Variants in SPAG7 observed in about 807,000 individuals in gnomAD.
SPAG7 encodes sperm associated antigen 7, also known as sperm-associated antigen 7.
In SPAG7, 20 loss-of-function variants were observed where a neutral mutation model predicts 30.6. The ratio of observed to expected loss-of-function variants is 0.65; its 90% CI spans 0.46 to 0.95. SPAG7 has a LOEUF of 0.95. Among genes scored for constraint, SPAG7 ranks in the 40% least tolerant of loss-of-function variants. The probability of loss-of-function intolerance (pLI) is 0.00; values close to 1 mark genes in which losing one functional copy is unlikely to be tolerated. For missense variants in SPAG7, 276 were observed against 291.1 expected, an observed-to-expected ratio of 0.95 and a Z score of 0.38; for synonymous variants, 127 against 104.2, an observed-to-expected ratio of 1.22 and a Z score of -1.33.
chr17:4,967,717 C>G lies in SPAG7; in HGVS notation c.85+3G>C, dbSNP rs1567678564. ...AAGGCGGTTGTGAATTTGGGATCCT[C>G]ACCTCGGGCCTTGCGCCGAGTCTCC... On this transcript the variant is annotated splice_donor_region_variant and intron_variant, in intron 1 of 6. Transcript: ENST00000206020. The G allele has an allele frequency of 6.2e-7, 1 of 1,612,326 alleles. No individual in the cohort carries two copies. The highest frequency in any genetic ancestry group is 8.5e-7 in the Non-Finnish European group (1 of 1,178,438).
At chr17:4,959,668 C>A (rs773313896) in intron 6 of SPAG7, 25 bp from the exon 7 acceptor site, 4 of 1,612,846 alleles carry the variant, frequency 2.5e-6, no homozygotes, top group African/African-American at 2.7e-5. Flanking sequence ...GAGGGTAGGG[C>A]GGGCCTAGAA....
intron 1 of SPAG7, among the ~76,000 whole-genome samples, chr17:4,962,802 C>A (rs1163820470): frequency 6.6e-6 from 1 of 152,030 alleles, no homozygotes; most frequent in Non-Finnish European, 1.5e-5. Context: ...CCCGCCTCAG[C>A]CTCCCAAAGT....
At chr17:4,964,328 T>C (rs1002003345) in intron 1 of SPAG7, among the ~76,000 whole-genome samples, 2 of 151,998 alleles carry the variant, frequency 1.3e-5, no homozygotes. Flanking sequence ...GAAATTTTTT[T>C]CTCTTTTGCC....
At position 4,960,251 on chromosome 17, in the gene SPAG7, C is replaced by A; in HGVS notation, c.310G>T (p.Val104Phe). The A allele has an allele frequency of 6.2e-7, 1 of 1,614,190 alleles. No homozygotes were observed. Among genetic ancestry groups the A allele is most frequent in the Non-Finnish European group, 8.5e-7 (1 of 1,180,022 alleles). Residue 104 changes from valine (V) to phenylalanine (F), a missense_variant, in exon 4 of 7, where the codon GTC becomes TTC. Coordinates refer to ENST00000206020, the MANE Select transcript of SPAG7 (RefSeq NM_004890.3). ...SFGEDDDCRY[V>F]MIFKKEFAPS... ...CCCTTTACCTTTTTGAAGATCATGACATAGCGACAGTCATCATCTTCCCCA... is the reference window on the plus strand; with the variant it reads ...CCCTTTACCTTTTTGAAGATCATGAAATAGCGACAGTCATCATCTTCCCCA...
At chr17:4,967,123 T>G (rs1450444961) in intron 1 of SPAG7, 15 of 985,594 alleles carry the variant, frequency 1.5e-5, no homozygotes, top group Non-Finnish European at 1.7e-5. Flanking sequence ...CAATCAACAC[T>G]ACGATCCGCC....
intron 2 of SPAG7, 98 bp from the exon 3 acceptor site, chr17:4,960,645 C>G (rs1971847459): frequency 7.5e-6 from 10 of 1,333,352 alleles, no homozygotes; most frequent in Non-Finnish European, 1.1e-5. Flanking sequence ...TCCCCAGCAC[C>G]CTCCCCAGCC....
Position 4,967,796 on chromosome 17 carries a change from G to A in SPAG7, c.9C>T (p.Asp3=), listed in dbSNP as rs773877623. 2 of 1,613,444 alleles carry A rather than the reference G, an allele frequency of 1.2e-6. No homozygotes were observed. The highest frequency in any genetic ancestry group is 1.1e-5 in the South Asian group (1 of 91,074). Residue 3 remains aspartate (D), a synonymous_variant, in exon 1 of 7, where the codon GAC becomes GAT. Coordinates refer to ENST00000206020, the MANE Select transcript of SPAG7 (RefSeq NM_004890.3). The part of the protein sequence containing the change: MA[D]LLGSILSSME... Reference sequence around the variant, plus strand: ...TGGAGCTCAGGATGGAGCCCAGTAGGTCCGCCATCTTGGGAGTGACTGAGA... The same window carrying A: ...TGGAGCTCAGGATGGAGCCCAGTAGATCCGCCATCTTGGGAGTGACTGAGA...
chr17:4,964,971 G>A (rs2151148914), intron 1 of SPAG7, among the ~76,000 whole-genome samples: 1 of 151,630 alleles, frequency 6.6e-6, no homozygotes, highest in African/African-American at 2.4e-5. Flanking sequence ...GTGCAATGGT[G>A]CAATCTTGGC....
intron 1 of SPAG7, among the ~76,000 whole-genome samples, chr17:4,961,591 T>TAAA (rs879358196): frequency 7.7e-6 from 1 of 129,320 alleles, no homozygotes; most frequent in African/African-American, 2.9e-5. Flanking sequence ...CTGTCTCTAC[T>TAAA]AAAAAAAAAA....
chr17:4,960,883 A>T (rs776353879), intron 1 of SPAG7, 30 bp from the exon 2 acceptor site: 13 of 1,605,292 alleles, frequency 8.1e-6, no homozygotes, highest in Non-Finnish European at 1.1e-5. Context: ...ACATGAAGCC[A>T]GGGCTGGAAG....
Position 4,959,406 on chromosome 17 carries a change from C to A in SPAG7, c.*128G>T. The stretch of plus-strand genomic sequence containing the variant: ...GACAAATCAAACACCTGTTTTCCCC[C>A]AGCCTGAGGGACAGCTGGTAGGAGG... On this transcript the variant is annotated 3_prime_UTR_variant, in exon 7 of 7. Coordinates refer to ENST00000206020, the MANE Select transcript of SPAG7 (RefSeq NM_004890.3). 1.4e-6 allele frequency: 1 copy of A among 717,086 alleles called. No individual in the cohort carries two copies. 44.4% of individuals were successfully genotyped at this position (717,086 alleles called of 1,614,324 possible).
At position 4,960,036 on chromosome 17, in the gene SPAG7, T is replaced by C. The variant is rs748085301; in HGVS notation, c.403A>G (p.Lys135Glu). The change falls in exon 5 of 7, where the codon AAG (lysine) becomes GAG (glutamate). Residue 135 changes from lysine to glutamate, a missense_variant. Transcript: ENST00000206020. ...EEWDPQKAEE[K>E]RKLKELAQRQ... ...GCATAGCTCACCTTCAGCTTCCGCTTCTCCTCAGCCTTCTGGGGGTCCCAT... is the reference window on the plus strand; with the variant it reads ...GCATAGCTCACCTTCAGCTTCCGCTCCTCCTCAGCCTTCTGGGGGTCCCAT... 8.7e-6 allele frequency: 14 copies of C among 1,614,038 alleles called. No homozygotes were observed. The highest frequency in any genetic ancestry group is 1.2e-5 in the Non-Finnish European group (14 of 1,179,964).
chr17:4,960,396 G>T (rs1170776751), intron 3 of SPAG7, 63 bp downstream of exon 3: 3 of 1,593,730 alleles, frequency 1.9e-6, no homozygotes, highest in Non-Finnish European at 2.6e-6. Flanking sequence ...GGAGCCCCCC[G>T]CTGGCCCTTT....
intron 1 of SPAG7, 134 bp downstream of exon 1, chr17:4,967,586 T>C: frequency 4.2e-6 from 3 of 715,374 alleles, no homozygotes; most frequent in South Asian, 3.3e-5. Flanking sequence ...GCAGCCCTTT[T>C]AGGGACTCTG....
chr17:4,960,437 C>T (rs370314437), intron 3 of SPAG7, 22 bp downstream of exon 3: 69 of 1,605,566 alleles, frequency 4.3e-5, no homozygotes, highest in Middle Eastern at 3.3e-4. Context: ...TTTCCTTCCT[C>T]CCCCAGCCCA....
chr17:4,963,243 T>G (rs1971893703), intron 1 of SPAG7, among the ~76,000 whole-genome samples: 2 of 151,896 alleles, frequency 1.3e-5, no homozygotes, highest in South Asian at 4.2e-4. Flanking sequence ...AAATAAAGAA[T>G]TAGGCATGAT....
At chr17:4,964,969 G>A in intron 1 of SPAG7, among the ~76,000 whole-genome samples, 1 of 151,776 alleles carries the variant, frequency 6.6e-6, no homozygotes, top group East Asian at 1.9e-4. Context: ...GAGTGCAATG[G>A]TGCAATCTTG....
At chr17:4,966,561 C>T (rs762836192) in intron 1 of SPAG7, 86 of 983,556 alleles carry the variant, frequency 8.7e-5, no homozygotes, top group Non-Finnish European at 1.0e-4. Context: ...ATAGACTCTT[C>T]TGCCTGTAAC....
chr17:4,960,961 A>G (rs1268833317), intron 1 of SPAG7, 108 bp from the exon 2 acceptor site: 5 of 940,290 alleles, frequency 5.3e-6, no homozygotes, highest in Non-Finnish European at 8.5e-6. Flanking sequence ...TCAGGCTGGG[A>G]AGGTAGGATT....
Sources: gnomAD v4.1 joint callset for allele counts (sites outside exome capture counted in the v4.1 genomes callset) on GRCh38, gnomAD v4.1.1 for gene constraint, MANE v1.5 for transcripts, NCBI Gene and HGNC (gene_info 2026-07-23, HGNC 2026-07-21) for gene names.